Variants in CDS1 observed in about 807,000 individuals in gnomAD.
CDS1 encodes phosphatidate cytidylyltransferase 1.
CDS1 carries 41 observed loss-of-function variants against 62.1 expected under a neutral mutation model. The ratio of observed to expected loss-of-function variants is 0.66; its 90% confidence interval spans 0.51 to 0.86. The LOEUF (loss-of-function observed/expected upper bound fraction) is 0.86. CDS1 is among the 40% of genes least tolerant of loss of function. The pLI is 0.00. For missense variants in CDS1, 470 were observed against 550.1 expected, an observed-to-expected ratio of 0.85 and a Z score of 1.46; for synonymous variants, 185 against 192.6, an observed-to-expected ratio of 0.96 and a Z score of 0.32.
chr4:84,626,132 A>T (rs1723850916), intron 5 of CDS1, among the ~76,000 whole-genome samples: 1 of 152,100 alleles, frequency 6.6e-6, no homozygotes, highest in Non-Finnish European at 1.5e-5. Context: ...ATGCCATTCC[A>T]CTCCAGCCTG....
At chr4:84,630,651 C>G (rs929976020) in intron 5 of CDS1, among the ~76,000 whole-genome samples, 14 of 152,054 alleles carry the variant, frequency 9.2e-5, no homozygotes, top group African/African-American at 3.4e-4. Context: ...TTTAAAGATA[C>G]TGCAGAGGCT....
Position 84,604,386 on chromosome 4 carries a change from G to A in CDS1, c.245+16G>A. ...TATCTTCAAGGTATGATTGGATGAAGATGAGTATATCTTAGTGCACAAGAT... is the reference window on the plus strand; with the variant it reads ...TATCTTCAAGGTATGATTGGATGAAAATGAGTATATCTTAGTGCACAAGAT... On this transcript the variant is annotated intron_variant, in intron 2 of 12. Transcript: ENST00000295887. 1 of 1,611,310 alleles carries A rather than the reference G, an allele frequency of 6.2e-7. No individual in the cohort carries two copies. The highest frequency in any genetic ancestry group is 8.5e-7 in the Non-Finnish European group (1 of 1,178,852).
At chr4:84,632,077 T>C (rs1423196575) in intron 6 of CDS1, among the ~76,000 whole-genome samples, 200 bp downstream of exon 6, 1 of 152,228 alleles carries the variant, frequency 6.6e-6, no homozygotes, top group Non-Finnish European at 1.5e-5. Flanking sequence ...TTAACTGTTT[T>C]CAAAGTTTAC....
chr4:84,645,462 G>A lies in CDS1; in HGVS notation c.1256+137G>A, dbSNP rs55950092. ...GTGAATGGTGGCCCCTGGAATTAGA[G>A]TCTTGAGCAAGATGGTTAACTTGTA... On this transcript the variant is annotated intron_variant, in intron 12 of 12. Transcript: ENST00000295887. 1.9e-3 allele frequency: 1,143 copies of A among 610,548 alleles called. 3 individuals are homozygous for A. Among genetic ancestry groups the A allele is most frequent in the Middle Eastern group, 2.6e-3 (6 of 2,290 alleles). The allele number at this position is 610,548 out of a possible 1,614,324, so 37.8% of individuals were successfully genotyped here. A position where few individuals can be genotyped will look rare whatever the true frequency, so the allele number is the denominator to read the frequency against.
intron 5 of CDS1, among the ~76,000 whole-genome samples, chr4:84,624,416 G>A (rs1030761631): frequency 1.3e-5 from 2 of 151,842 alleles, no homozygotes; most frequent in Non-Finnish European, 2.9e-5. Context: ...ATATCTGGAG[G>A]CTTACTACTG....
intron 1 of CDS1, among the ~76,000 whole-genome samples, chr4:84,602,862 G>C (rs1722978925): frequency 6.6e-6 from 1 of 152,108 alleles, no homozygotes; most frequent in South Asian, 2.1e-4. Flanking sequence ...CTGACTCTCG[G>C]TGTCACAGTG....
chr4:84,637,015 G>C (rs948358901), intron 8 of CDS1, among the ~76,000 whole-genome samples: 5 of 152,140 alleles, frequency 3.3e-5, no homozygotes, highest in Non-Finnish European at 1.5e-5. Flanking sequence ...AGTGGTATGA[G>C]GGTAGTTTAG....
chr4:84,618,194 T>C (rs986215540), intron 4 of CDS1, among the ~76,000 whole-genome samples: 2 of 152,184 alleles, frequency 1.3e-5, no homozygotes, highest in Non-Finnish European at 2.9e-5. Flanking sequence ...GATAACATTA[T>C]AGTTCATATT....
chr4:84,647,267 A>G (rs1644025778), intron 12 of CDS1, among the ~76,000 whole-genome samples: 1 of 151,844 alleles, frequency 6.6e-6, no homozygotes, highest in African/African-American at 2.4e-5. Flanking sequence ...TTTGCATATT[A>G]TTTATTGATC....
At chr4:84,608,409 C>T (rs937536615) in intron 2 of CDS1, among the ~76,000 whole-genome samples, 3 of 152,208 alleles carry the variant, frequency 2.0e-5, no homozygotes, top group East Asian at 1.9e-4. Flanking sequence ...CTCCTGACCT[C>T]GTGATCTGCC....
chr4:84,625,241 A>G lies in CDS1; in HGVS notation c.580+5708A>G, dbSNP rs138241296. ...CCATTTCTTATTTTACACTCTTAGA[A>G]TCACAGAAACTTACTGAAAGTCATC... is the stretch of plus-strand genomic sequence containing the variant. On this transcript the variant is annotated intron_variant, in intron 5 of 12. Transcript: ENST00000295887. Among the ~76,000 whole-genome samples, 222 of 152,328 alleles carry G rather than the reference A, an allele frequency of 1.5e-3. 1 individual carries two copies. Among genetic ancestry groups the G allele is most frequent in the African/African-American group, 5.0e-3 (207 of 41,570 alleles).
chr4:84,606,742 G>A (rs1158160209), intron 2 of CDS1, among the ~76,000 whole-genome samples: 1 of 151,860 alleles, frequency 6.6e-6, no homozygotes, highest in Non-Finnish European at 1.5e-5. Flanking sequence ...GTGCAGTGGT[G>A]CAGTCTCAAC....
Position 84,645,345 on chromosome 4 carries a change from A to T in CDS1, c.1256+20A>T. 7.3e-7 allele frequency: 1 copy of T among 1,374,894 alleles called. No homozygotes were observed. Among genetic ancestry groups the T allele is most frequent in the African/African-American group, 1.4e-5 (1 of 69,906 alleles). 85.2% of individuals were successfully genotyped at this position (1,374,894 alleles called of 1,614,324 possible). On this transcript the variant is annotated intron_variant, in intron 12 of 12. Coordinates refer to ENST00000295887, the MANE Select transcript of CDS1 (RefSeq NM_001263.4). ...TATAAGGTACTTTTACACTTGAGAC[A>T]TTTTTTAGATGATTTCTTTGAGTTC... is the stretch of plus-strand genomic sequence containing the variant.
At chr4:84,611,164 A>G (rs911331343) in intron 3 of CDS1, among the ~76,000 whole-genome samples, 4 of 152,162 alleles carry the variant, frequency 2.6e-5, no homozygotes, top group African/African-American at 4.8e-5. Flanking sequence ...TATTTAAAGC[A>G]TGAAACATTT....
intron 5 of CDS1, among the ~76,000 whole-genome samples, chr4:84,627,171 A>G (rs770158991): frequency 1.5e-4 from 23 of 152,220 alleles, no homozygotes; most frequent in Non-Finnish European, 4.4e-5. Context: ...TACCAGATTT[A>G]AAAAGCAGAG....
chr4:84,610,316 A>G (rs965615584), intron 3 of CDS1, among the ~76,000 whole-genome samples: 1 of 152,108 alleles, frequency 6.6e-6, no homozygotes, highest in African/African-American at 2.4e-5. Flanking sequence ...TGAGCGGGGC[A>G]TGGAGGTAGT....
At chr4:84,609,618 C>T in intron 3 of CDS1, 93 bp downstream of exon 3, 1 of 734,712 alleles carries the variant, frequency 1.4e-6, no homozygotes, top group Non-Finnish European at 2.4e-6. Context: ...AAAAAAGAAG[C>T]TAATTCAACA....
rs1369199194 is a variant in CDS1 at position 84,596,149 on chromosome 4, G to T, written c.118-8094G>T. ...CTGGTTGCAGGAATGGCCATGGTGG[G>T]TGAGACTGCTGGGTGAACAGGCAAT... On this transcript the variant is annotated intron_variant, in intron 1 of 12. Coordinates refer to ENST00000295887, the MANE Select transcript of CDS1 (RefSeq NM_001263.4). Among the ~76,000 whole-genome samples the T allele has an allele frequency of 2.0e-5, 3 of 152,180 alleles. No individual in the cohort carries two copies. In the East Asian group the frequency reaches 5.8e-4, roughly 29 times the overall value.
At chr4:84,646,655 AG>A (rs1724566421) in intron 12 of CDS1, among the ~76,000 whole-genome samples, 1 of 152,116 alleles carries the variant, frequency 6.6e-6, no homozygotes, top group African/African-American at 2.4e-5. Context: ...CTATGATTTG[AG>A]TATTTTATAA....
Sources: gnomAD v4.1 joint callset for allele counts (sites outside exome capture counted in the v4.1 genomes callset) on GRCh38, gnomAD v4.1.1 for gene constraint, MANE v1.5 for transcripts, NCBI Gene and HGNC (gene_info 2026-07-23, HGNC 2026-07-21) for gene names.